The following KCNK1 variants were observed in gnomAD, a reference collection of about 807,000 sequenced individuals.
KCNK1 encodes the protein potassium two pore domain channel subfamily K member 1, also known as potassium channel subfamily K member 1.
In KCNK1, 10 loss-of-function variants were observed where a neutral mutation model predicts 22.2. The ratio of observed to expected loss-of-function variants is 0.45; its 90% CI spans 0.28 to 0.76. The LOEUF (loss-of-function observed/expected upper bound fraction) is 0.76, where lower values mean the gene tolerates loss of function less well. Among genes scored for constraint, KCNK1 ranks in the 30% least tolerant of loss-of-function variants. KCNK1 has a pLI of 0.14. For missense variants in KCNK1, 378 were observed against 421.0 expected (o/e 0.90, Z 0.89); for synonymous variants, 200 against 186.4 (o/e 1.07, Z -0.60).
At chr1:233,643,488 G>C (rs145369806) in intron 1 of KCNK1, among the ~76,000 whole-genome samples, 2 of 152,220 alleles carry the variant, frequency 1.3e-5, no homozygotes, top group Non-Finnish European at 2.9e-5. Flanking sequence ...CTTTCCCTAT[G>C]GTCAGTTCTC....
At chr1:233,626,525 A>G (rs1657692585) in intron 1 of KCNK1, among the ~76,000 whole-genome samples, 1 of 152,136 alleles carries the variant, frequency 6.6e-6, no homozygotes, top group Non-Finnish European at 1.5e-5. Flanking sequence ...GTTGTATCAC[A>G]CACATCGATT....
intron 1 of KCNK1, chr1:233,631,417 A>G: frequency 2.4e-6 from 1 of 420,880 alleles, no homozygotes; most frequent in Non-Finnish European, 5.0e-6. Context: ...TTTAAGCTCA[A>G]CGGTTATCAG....
At chr1:233,666,500 G>A in intron 1 of KCNK1, 95 bp from the exon 2 acceptor site, 1 of 1,202,090 alleles carries the variant, frequency 8.3e-7, no homozygotes, top group South Asian at 1.6e-5. Context: ...TTGGTTTGAG[G>A]GGAATAAGGG....
At chr1:233,657,764 T>C (rs776102104) in intron 1 of KCNK1, among the ~76,000 whole-genome samples, 7 of 152,106 alleles carry the variant, frequency 4.6e-5, no homozygotes, top group African/African-American at 7.2e-5. Context: ...GCTGTCCTAC[T>C]ATAGCATTTA....
chr1:233,614,276 C>T lies in KCNK1; in HGVS notation c.105C>T (p.Val35=), dbSNP rs536443756. The part of the protein sequence containing the change: ...FLVLGYLLYL[V]FGAVVFSSVE... ...TGCTGGGCTACTTGCTCTACCTGGTCTTCGGCGCAGTGGTCTTCTCCTCGG... is the reference window on the plus strand; with the variant it reads ...TGCTGGGCTACTTGCTCTACCTGGTTTTCGGCGCAGTGGTCTTCTCCTCGG... The change falls in exon 1 of 3, where the codon GTC becomes GTT. Residue 35 remains valine (V), a synonymous_variant. Transcript: ENST00000366621. The T allele has an allele frequency of 3.9e-4, 636 of 1,613,504 alleles. 9 individuals are homozygous for T. The South Asian group carries it at 6.6e-3, about 17-fold the overall frequency.
Position 233,614,133 on chromosome 1 carries a change from C to G in KCNK1, c.-39C>G. 8.2e-7 allele frequency: 1 copy of G among 1,219,342 alleles called. No individual in the cohort carries two copies. The highest frequency in any genetic ancestry group is 1.0e-6 in the Non-Finnish European group (1 of 952,848). 75.5% of individuals were successfully genotyped at this position (1,219,342 alleles called of 1,614,324 possible). On this transcript the variant is annotated 5_prime_UTR_variant, in exon 1 of 3. Transcript: ENST00000366621. ...AAGAGGCGGCGGGCCGCGCTCCGGC[C>G]GGTCTGCGGCGTTGGCCTTGGCGGC...
At chr1:233,643,734 G>A (rs112688480) in intron 1 of KCNK1, among the ~76,000 whole-genome samples, 1,635 of 152,230 alleles carry the variant, frequency 0.011, 30 homozygotes, top group African/African-American at 0.032. Context: ...TTATACCACC[G>A]CTGGCAGCAT....
At chr1:233,653,685 C>T (rs1350176823) in intron 1 of KCNK1, among the ~76,000 whole-genome samples, 1 of 152,126 alleles carries the variant, frequency 6.6e-6, no homozygotes, top group Non-Finnish European at 1.5e-5. Flanking sequence ...CATTGGCCTC[C>T]ATGGTTCTCA....
At chr1:233,671,123 T>A in intron 2 of KCNK1, 148 bp from the exon 3 acceptor site, 1 of 745,080 alleles carries the variant, frequency 1.3e-6, no homozygotes, top group Admixed American at 2.4e-5. Flanking sequence ...AACCATGAAC[T>A]TAAAAACACT....
At chr1:233,646,054 A>T (rs186825105) in intron 1 of KCNK1, among the ~76,000 whole-genome samples, 1 of 152,224 alleles carries the variant, frequency 6.6e-6, no homozygotes, top group African/African-American at 2.4e-5. Flanking sequence ...GATGGTGGGG[A>T]TGGAGGTTGC....
At chr1:233,653,936 G>A (rs1038611047) in intron 1 of KCNK1, among the ~76,000 whole-genome samples, 2 of 152,124 alleles carry the variant, frequency 1.3e-5, no homozygotes, top group African/African-American at 4.8e-5. Context: ...TTTGGAAATG[G>A]GTAATGGGTA....
Position 233,671,752 on chromosome 1 carries a change from C to T in KCNK1, c.*222C>T. 1 of 571,602 alleles carries T rather than the reference C, an allele frequency of 1.7e-6. No homozygotes were observed. Among genetic ancestry groups the T allele is most frequent in the Non-Finnish European group, 3.1e-6 (1 of 326,466 alleles). The allele number at this position is 571,602 out of a possible 1,614,324, so 35.4% of individuals were successfully genotyped here. A position where few individuals can be genotyped will look rare whatever the true frequency, so the allele number is the denominator to read the frequency against. On this transcript the variant is annotated 3_prime_UTR_variant, in exon 3 of 3. Transcript: ENST00000366621. ...AATATGTGAGGAAATGAGATGTCCACCTAAAATTCATATGTGACAAAATTA... is the reference window on the plus strand; with the variant it reads ...AATATGTGAGGAAATGAGATGTCCATCTAAAATTCATATGTGACAAAATTA...
chr1:233,642,650 A>T (rs1424052165), intron 1 of KCNK1, among the ~76,000 whole-genome samples: 1 of 152,202 alleles, frequency 6.6e-6, no homozygotes. Flanking sequence ...GCCTGTGGCC[A>T]TGGGAAGTGA....
rs1305026599 is a variant in KCNK1, at chr1:233,614,463, GGCAACT to G, written c.294_299del (p.Asn101_Trp102del). The G allele has an allele frequency of 6.2e-7, 1 of 1,613,140 alleles. No homozygotes were observed. Among genetic ancestry groups the G allele is most frequent in the East Asian group, 2.2e-5 (1 of 44,838 alleles). On this transcript the variant is annotated inframe_deletion, in exon 1 of 3. Transcript: ENST00000366621. ...CGTGTCGGTGCTCAGCAACGCCTCGGGCAACTGGAACTGGGACTTCACCTCCGCGCT... is the reference window on the plus strand; with the variant it reads ...CGTGTCGGTGCTCAGCAACGCCTCGGGGAACTGGGACTTCACCTCCGCGCT...
intron 1 of KCNK1, among the ~76,000 whole-genome samples, chr1:233,652,729 C>A (rs1658223680): frequency 2.0e-5 from 3 of 152,206 alleles, no homozygotes; most frequent in African/African-American, 4.8e-5. Context: ...AAGCACGTCT[C>A]CCCTGTAACT....
At chr1:233,631,281 A>T in intron 1 of KCNK1, 1 of 531,736 alleles carries the variant, frequency 1.9e-6, no homozygotes, top group South Asian at 1.4e-5. Context: ...ACATCAAGAT[A>T]TGAAAGGTTG....
intron 1 of KCNK1, among the ~76,000 whole-genome samples, chr1:233,635,605 TA>T (rs1657884218): frequency 6.6e-6 from 1 of 152,018 alleles, no homozygotes; most frequent in South Asian, 2.1e-4. Context: ...TTTTTTTTGT[TA>T]AAAACTAAGC....
intron 1 of KCNK1, among the ~76,000 whole-genome samples, chr1:233,642,935 ATTTTTTTT>A (rs11459973): frequency 7.5e-6 from 1 of 133,160 alleles, no homozygotes. Flanking sequence ...CACCCGGCTA[ATTTTTTTT>A]TTTTTTTTTT....
At chr1:233,629,317 G>A (rs1184940258) in intron 1 of KCNK1, among the ~76,000 whole-genome samples, 1 of 152,132 alleles carries the variant, frequency 6.6e-6, no homozygotes, top group East Asian at 1.9e-4. Flanking sequence ...GAAGCTTTAT[G>A]GAGTAGGCGC....
Sources: gnomAD v4.1 joint callset for allele counts (sites outside exome capture counted in the v4.1 genomes callset) on GRCh38, gnomAD v4.1.1 for gene constraint, MANE v1.5 for transcripts, NCBI Gene and HGNC (gene_info 2026-07-23, HGNC 2026-07-21) for gene names.